Variants in CES5A observed in about 807,000 individuals in gnomAD.
The protein encoded by CES5A is carboxylesterase 5.
CES5A carries 67 observed loss-of-function variants against 62.9 expected under a neutral mutation model. The observed-to-expected ratio is 1.07, with a 90% CI of 0.88 to 1.31. The LOEUF (loss-of-function observed/expected upper bound fraction) is 1.31, where lower values mean the gene tolerates loss of function less well. Ranked by LOEUF, CES5A falls within the 50% of genes most tolerant of loss-of-function variation. The pLI is 0.00. For synonymous variants in CES5A, 296 were observed against 280.8 expected, an observed-to-expected ratio of 1.05 and a Z score of -0.54; for missense variants, 748 against 708.5, an observed-to-expected ratio of 1.06 and a Z score of -0.63.
chr16:55,922,799 A>C (rs1372047112), intron 1 of CES5A, among the ~76,000 whole-genome samples: 1 of 151,944 alleles, frequency 6.6e-6, no homozygotes, highest in African/African-American at 2.4e-5. Context: ...GTGATAAAAC[A>C]AGTCTCAATA....
At chr16:55,871,477 A>T (rs4784601) in intron 3 of CES5A, 148 bp downstream of exon 3, 3 of 805,140 alleles carry the variant, frequency 3.7e-6, no homozygotes, top group South Asian at 2.5e-5. Flanking sequence ...TCTATCATTC[A>T]AATGATTTTT....
At chr16:55,859,757 A>T in intron 7 of CES5A, 70 bp from the exon 8 acceptor site, 1 of 1,492,652 alleles carries the variant, frequency 6.7e-7, no homozygotes, top group African/African-American at 1.4e-5. Flanking sequence ...CTGCTGTCCC[A>T]AATCCTGGCC....
At chr16:55,924,641 G>A (rs1050395476) in intron 1 of CES5A, among the ~76,000 whole-genome samples, 4 of 151,968 alleles carry the variant, frequency 2.6e-5, no homozygotes, top group Admixed American at 6.6e-5. Context: ...GAACAAAGCT[G>A]GAGGCATCAT....
At chr16:55,857,381 C>T (rs542350639) in intron 8 of CES5A, among the ~76,000 whole-genome samples, 3 of 152,212 alleles carry the variant, frequency 2.0e-5, no homozygotes, top group Non-Finnish European at 2.9e-5. Context: ...GCAAAATTAC[C>T]GCTTTAAAAT....
chr16:55,938,170 C>G (rs2034398082), intron 2 of CES5A, among the ~76,000 whole-genome samples: 2 of 152,132 alleles, frequency 1.3e-5, no homozygotes, highest in Admixed American at 1.3e-4. Context: ...TCACAGGAAG[C>G]TGCAGCACAT....
At chr16:55,923,206 G>A (rs1320086050) in intron 1 of CES5A, among the ~76,000 whole-genome samples, 2 of 150,984 alleles carry the variant, frequency 1.3e-5, no homozygotes, top group African/African-American at 2.4e-5. Context: ...AAATTCAGAC[G>A]AAATAAAATT....
chr16:55,914,811 T>C (rs1011582653), intron 1 of CES5A, among the ~76,000 whole-genome samples: 2 of 152,166 alleles, frequency 1.3e-5, no homozygotes, highest in Non-Finnish European at 2.9e-5. Context: ...AGTGGGAAAC[T>C]GGGTGAAATC....
chr16:55,897,304 G>A (rs2033943867), intron 1 of CES5A, among the ~76,000 whole-genome samples: 1 of 152,110 alleles, frequency 6.6e-6, no homozygotes, highest in South Asian at 2.1e-4. Flanking sequence ...GCCAGGGGCA[G>A]GGGGAGTGAT....
intron 2 of CES5A, among the ~76,000 whole-genome samples, chr16:55,947,501 C>T (rs1438279235): frequency 6.6e-6 from 1 of 152,108 alleles, no homozygotes; most frequent in East Asian, 1.9e-4. Flanking sequence ...GAACAAAACA[C>T]TTCTCATAAA....
chr16:55,898,838 A>G (rs879696802), intron 1 of CES5A, among the ~76,000 whole-genome samples: 1 of 152,028 alleles, frequency 6.6e-6, no homozygotes, highest in African/African-American at 2.4e-5. Flanking sequence ...AGGCATGGTC[A>G]CCCTCATGAC....
At chr16:55,868,279 G>A (rs1462707174) in intron 4 of CES5A, among the ~76,000 whole-genome samples, 1 of 152,234 alleles carries the variant, frequency 6.6e-6, no homozygotes, top group African/African-American at 2.4e-5. Context: ...CACCCCGTCA[G>A]CCTCTCCTGC....
upstream of CES5A, among the ~76,000 whole-genome samples, chr16:55,879,293 G>A (rs2142422925): frequency 6.7e-6 from 1 of 149,060 alleles, no homozygotes; most frequent in Middle Eastern, 3.5e-3. Flanking sequence ...CTCCACCACT[G>A]CACCCCACCA....
intron 1 of CES5A, among the ~76,000 whole-genome samples, chr16:55,920,696 A>G (rs2034195532): frequency 6.6e-6 from 1 of 152,262 alleles, no homozygotes; most frequent in African/African-American, 2.4e-5. Context: ...TAATCCTTCA[A>G]TGCAAAGACA....
At chr16:55,889,659 CTT>C (rs370097277) in intron 1 of CES5A, among the ~76,000 whole-genome samples, 5 of 145,396 alleles carry the variant, frequency 3.4e-5, no homozygotes, top group Admixed American at 6.9e-5. Context: ...CAACCCAGTC[CTT>C]TTTTTTTTTA....
At chr16:55,942,970 A>G (rs974326032) in intron 2 of CES5A, among the ~76,000 whole-genome samples, 1 of 152,200 alleles carries the variant, frequency 6.6e-6, no homozygotes, top group East Asian at 1.9e-4. Context: ...AACTAAGCTA[A>G]GGTGATAGGA....
chr16:55,912,339 G>A (rs2034101904), intron 1 of CES5A, among the ~76,000 whole-genome samples: 1 of 152,194 alleles, frequency 6.6e-6, no homozygotes, highest in Non-Finnish European at 1.5e-5. Context: ...TGCGCTCCCA[G>A]CGTCTTTCCT....
chr16:55,931,044 A>C (rs2034306003), intron 2 of CES5A, among the ~76,000 whole-genome samples: 4 of 152,230 alleles, frequency 2.6e-5, no homozygotes, highest in Admixed American at 2.0e-4. Flanking sequence ...CCCATTTTCC[A>C]TATGGAGAAA....
At chr16:55,879,831 G>C (rs2033743533), upstream of CES5A, among the ~76,000 whole-genome samples, 1 of 152,140 alleles carries the variant, frequency 6.6e-6, no homozygotes, top group Non-Finnish European at 1.5e-5. Context: ...GGTCTCAAGT[G>C]ATCCACCAGC....
chr16:55,949,845 C>G, exon 2 of CES5A: 1 of 1,527,170 alleles, frequency 6.5e-7, no homozygotes, highest in Non-Finnish European at 8.8e-7. Flanking sequence ...GTTGAGGAGG[C>G]TGGATAAAAA....
Sources: gnomAD v4.1 joint callset for allele counts (sites outside exome capture counted in the v4.1 genomes callset) on GRCh38, gnomAD v4.1.1 for gene constraint, MANE v1.5 for transcripts, NCBI Gene and HGNC (gene_info 2026-07-23, HGNC 2026-07-21) for gene names.